The following SWT1 variants were observed in gnomAD, a reference collection of about 807,000 sequenced individuals.
SWT1 encodes SWT1 RNA endoribonuclease homolog.
In SWT1, 33 loss-of-function variants were observed where a neutral mutation model predicts 107.3. The observed-to-expected ratio is 0.31, with a 90% CI of 0.23 to 0.41. SWT1 has a LOEUF of 0.41. Ranked by LOEUF, SWT1 falls within the 10% of genes least tolerant of loss-of-function variation. The probability of loss-of-function intolerance (pLI) is 1.00; values close to 1 mark genes in which losing one functional copy is unlikely to be tolerated. For missense variants in SWT1, 898 were observed against 1,028.9 expected, an observed-to-expected ratio of 0.87 and a Z score of 1.74; for synonymous variants, 345 against 348.3, an observed-to-expected ratio of 0.99 and a Z score of 0.11.
At chr1:185,246,140 A>G (rs1345131815) in intron 16 of SWT1, among the ~76,000 whole-genome samples, 1 of 152,212 alleles carries the variant, frequency 6.6e-6, no homozygotes, top group Non-Finnish European at 1.5e-5. Flanking sequence ...TGTGCAGTGC[A>G]TAACTGTACT....
chr1:185,188,103 T>C (rs889600576), intron 9 of SWT1, among the ~76,000 whole-genome samples: 1 of 152,208 alleles, frequency 6.6e-6, no homozygotes, highest in Non-Finnish European at 1.5e-5. Flanking sequence ...ATTAAAAACT[T>C]CACCCAAGGA....
chr1:185,211,680 A>G (rs529295296), intron 13 of SWT1, among the ~76,000 whole-genome samples: 1 of 152,360 alleles, frequency 6.6e-6, no homozygotes, highest in South Asian at 2.1e-4. Context: ...TAGAAATACC[A>G]TTTGACTCAG....
At chr1:185,202,578 CAT>C (rs946609984) in intron 10 of SWT1, 74 bp from the exon 11 acceptor site, 3 of 1,263,222 alleles carry the variant, frequency 2.4e-6, no homozygotes, top group Admixed American at 2.0e-5. Context: ...GACTAGATCT[CAT>C]GTGTTTTGAT....
chr1:185,168,320 C>T lies in SWT1; in HGVS notation c.166-20C>T, dbSNP rs1654756822. 3 of 1,227,320 alleles carry T rather than the reference C, an allele frequency of 2.4e-6. No individual in the cohort carries two copies. In the South Asian group the frequency reaches 4.7e-5, roughly 19 times the overall value. 76.0% of individuals were successfully genotyped at this position (1,227,320 alleles called of 1,614,324 possible). On this transcript the variant is annotated intron_variant, in intron 3 of 18. Transcript: ENST00000367500. ...ATGTACCAGTGCACAATTTATGTGT[C>T]CTTTTTTTATTTATTTCAGAAATCA...
At position 185,233,878 on chromosome 1, in the gene SWT1, G is replaced by A. The variant is rs1660672639; in HGVS notation, c.2441+2170G>A. Among the ~76,000 whole-genome samples the A allele has an allele frequency of 2.0e-5, 3 of 152,138 alleles. No individual in the cohort carries two copies. The South Asian group carries it at 6.2e-4, about 32-fold the overall frequency. On this transcript the variant is annotated intron_variant, in intron 16 of 18. Transcript: ENST00000367500. The stretch of plus-strand genomic sequence containing the variant: ...CCTGCCTCAGCCTCCCAAGTAGCTG[G>A]GACTACAGGCACCCGCCACCATGCC...
chr1:185,215,355 A>G (rs1659135465), intron 14 of SWT1, among the ~76,000 whole-genome samples: 1 of 152,110 alleles, frequency 6.6e-6, no homozygotes, highest in Admixed American at 6.6e-5. Context: ...TGTATTTTCT[A>G]AAAATAGGGA....
intron 16 of SWT1, chr1:185,266,677 T>TC (rs1176633275): frequency 6.6e-6 from 1 of 151,762 alleles, no homozygotes; most frequent in Non-Finnish European, 1.5e-5. Context: ...TTTTTTTTTT[T>TC]CTTAAAGAGA....
chr1:185,163,038 A>C (rs1055332738), intron 2 of SWT1, among the ~76,000 whole-genome samples: 11 of 152,256 alleles, frequency 7.2e-5, no homozygotes, highest in African/African-American at 2.4e-4. Context: ...TCAGAGAGTC[A>C]TAATCTTTGC....
In SWT1 at chr1:185,288,448, TTTA is replaced by T. The variant is rs1665072609; in HGVS notation, c.2574-2217_2574-2215del. Among the ~76,000 whole-genome samples, 3 of 152,150 alleles carry T rather than the reference TTTA, an allele frequency of 2.0e-5. No individual in the cohort carries two copies. The South Asian group carries it at 6.2e-4, about 32-fold the overall frequency. On this transcript the variant is annotated intron_variant, in intron 18 of 18. Coordinates refer to ENST00000367500, the MANE Select transcript of SWT1 (RefSeq NM_017673.7). ...ATTATTCCAAATATGGTACATTTAC[TTTA>T]TTATTATTTACTTCGGTGTTGTCAC...
At chr1:185,278,517 A>C (rs935828032) in intron 18 of SWT1, among the ~76,000 whole-genome samples, 1 of 152,230 alleles carries the variant, frequency 6.6e-6, no homozygotes, top group African/African-American at 2.4e-5. Context: ...TTCTAGGCCC[A>C]GGCAAATTCA....
At chr1:185,167,708 C>G (rs983197966) in intron 3 of SWT1, among the ~76,000 whole-genome samples, 1 of 152,120 alleles carries the variant, frequency 6.6e-6, no homozygotes, top group East Asian at 1.9e-4. Context: ...GAAAGAGGCC[C>G]TCTTGCCTTT....
rs1654756391 is a variant in SWT1, at chr1:185,168,318, G to T, written c.166-22G>T. On this transcript the variant is annotated intron_variant, in intron 3 of 18. Transcript: ENST00000367500. Reference sequence around the variant, plus strand: ...ATATGTACCAGTGCACAATTTATGTGTCCTTTTTTTATTTATTTCAGAAAT... The same window carrying T: ...ATATGTACCAGTGCACAATTTATGTTTCCTTTTTTTATTTATTTCAGAAAT... 5 of 1,230,034 alleles carry T rather than the reference G, an allele frequency of 4.1e-6. No homozygotes were observed. The South Asian group carries it at 4.6e-5, about 11-fold the overall frequency. The allele number at this position is 1,230,034 out of a possible 1,614,324, so 76.2% of individuals were successfully genotyped here.
chr1:185,166,634 A>T lies in SWT1; in HGVS notation c.147A>T (p.Ser49=), dbSNP rs760248789. The part of the protein sequence containing the change: ...STSSSSIRSV[S]SEKRKLKSDH... ...GTTCATCTTCTATAAGATCAGTTTC[A>T]TCAGAAAAGAGAAAACTGGTGAGTG... Residue 49 remains serine (S), a synonymous_variant, in exon 3 of 19, where the codon TCA becomes TCT. Transcript: ENST00000367500. The T allele has an allele frequency of 1.1e-5, 17 of 1,601,526 alleles. No individual in the cohort carries two copies. Among genetic ancestry groups the T allele is most frequent in the Non-Finnish European group, 1.5e-5 (17 of 1,171,514 alleles).
In SWT1 at chr1:185,290,754, A is replaced by G; in HGVS notation, c.2654A>G (p.Glu885Gly). 1 of 1,611,692 alleles carries G rather than the reference A, an allele frequency of 6.2e-7. No homozygotes were observed. Among genetic ancestry groups the G allele is most frequent in the Non-Finnish European group, 8.5e-7 (1 of 1,178,446 alleles). ...CAGTGCAATGCATCTGTTTATATGG[A>G]GGCCAAAAACAGGGGATGGTGTGAA... ...MQQCNASVYM[E>G]AKNRGWCEDM... Residue 885 changes from glutamate (E) to glycine (G), a missense_variant, in exon 19 of 19, where the codon GAG becomes GGG. Physicochemically the swap from Glu to Gly is moderately conservative, Grantham distance 98. Coordinates refer to ENST00000367500, the MANE Select transcript of SWT1 (RefSeq NM_017673.7).
rs754067400 is a variant in SWT1, at chr1:185,184,266, C to G, written c.1162C>G (p.Leu388Val). 1 of 1,561,402 alleles carries G rather than the reference C, an allele frequency of 6.4e-7. No homozygotes were observed. Among genetic ancestry groups the G allele is most frequent in the South Asian group, 1.2e-5 (1 of 84,944 alleles). Reference protein sequence around the residue: ...SSANNTSDRKLLIVIDTNILM... With the variant: ...SSANNTSDRKVLIVIDTNILM... ...AGCAAATAATACTTCAGACAGAAAGCTTCTAATTGTTATTGACACAAATAT... is the reference window on the plus strand; with the variant it reads ...AGCAAATAATACTTCAGACAGAAAGGTTCTAATTGTTATTGACACAAATAT... Residue 388 changes from leucine to valine, a missense_variant, in exon 8 of 19, where the codon CTT becomes GTT. Leu to Val is a conservative substitution (Grantham distance 32). Coordinates refer to ENST00000367500, the MANE Select transcript of SWT1 (RefSeq NM_017673.7).
chr1:185,224,298 C>G (rs1659891194), intron 15 of SWT1, among the ~76,000 whole-genome samples: 1 of 152,024 alleles, frequency 6.6e-6, no homozygotes, highest in African/African-American at 2.4e-5. Flanking sequence ...GTTTATGTGT[C>G]TGTCTTATGC....
In SWT1 at chr1:185,160,935, T is replaced by A; in HGVS notation, c.84+10T>A. Reference sequence around the variant, plus strand: ...CAATTTTGGTGAAAAAGTAAGAATTTTGATTTACTGACCTAGAGATACATT... The same window carrying A: ...CAATTTTGGTGAAAAAGTAAGAATTATGATTTACTGACCTAGAGATACATT... On this transcript the variant is annotated intron_variant, in intron 2 of 18. Coordinates refer to ENST00000367500, the MANE Select transcript of SWT1 (RefSeq NM_017673.7). 6.3e-7 allele frequency: 1 copy of A among 1,590,548 alleles called. No homozygotes were observed. Among genetic ancestry groups the A allele is most frequent in the East Asian group, 2.2e-5 (1 of 44,706 alleles).
At chr1:185,167,529 T>A (rs890561882) in intron 3 of SWT1, among the ~76,000 whole-genome samples, 1 of 152,220 alleles carries the variant, frequency 6.6e-6, no homozygotes, top group Non-Finnish European at 1.5e-5. Flanking sequence ...ATAATTAAGC[T>A]GCGGTTTCTA....
chr1:185,226,715 C>T, intron 15 of SWT1: 1 of 474,974 alleles, frequency 2.1e-6, no homozygotes, highest in Non-Finnish European at 3.5e-6. Flanking sequence ...TGCTATTTCT[C>T]ATTTAAGCTT....
Sources: gnomAD v4.1 joint callset for allele counts (sites outside exome capture counted in the v4.1 genomes callset) on GRCh38, gnomAD v4.1.1 for gene constraint, MANE v1.5 for transcripts, NCBI Gene and HGNC (gene_info 2026-07-23, HGNC 2026-07-21) for gene names.